Variants in XRN2 observed in about 807,000 individuals in gnomAD.
XRN2 encodes the protein 5'-3' exoribonuclease 2.
Under a neutral mutation model 138.5 loss-of-function variants are expected in XRN2, and 44 were observed. The ratio of observed to expected loss-of-function variants is 0.32; its 90% CI spans 0.25 to 0.41. The LOEUF (loss-of-function observed/expected upper bound fraction) is 0.41, where lower values mean the gene tolerates loss of function less well. XRN2 is among the 10% of genes least tolerant of loss of function. XRN2 has a pLI of 1.00. For missense variants in XRN2, 937 were observed against 1,169.3 expected (o/e 0.80, Z 2.90); for synonymous variants, 354 against 369.4 (o/e 0.96, Z 0.48).
At chr20:21,365,866 TA>T (rs1348049100) in intron 26 of XRN2, among the ~76,000 whole-genome samples, 162 bp downstream of exon 26, 29 of 86,222 alleles carry the variant, frequency 3.4e-4, no homozygotes, top group African/African-American at 1.2e-3. Flanking sequence ...ATATAATATA[TA>T]ATTATATATA....
At chr20:21,358,133 C>T (rs187711553) in intron 24 of XRN2, among the ~76,000 whole-genome samples, 2 of 152,206 alleles carry the variant, frequency 1.3e-5, no homozygotes, top group South Asian at 2.1e-4. Context: ...GAGGTTCACA[C>T]AGCTTCCCTG....
intron 24 of XRN2, among the ~76,000 whole-genome samples, chr20:21,361,291 T>G (rs1463930282): frequency 1.3e-5 from 2 of 152,226 alleles, no homozygotes; most frequent in African/African-American, 4.8e-5. Flanking sequence ...CTTGATGTGT[T>G]TATGAAGACA....
intron 1 of XRN2, among the ~76,000 whole-genome samples, chr20:21,305,319 A>G (rs2037800669): frequency 6.6e-6 from 1 of 152,082 alleles, no homozygotes; most frequent in East Asian, 1.9e-4. Context: ...GTACGGTGGC[A>G]TGATCTCGGC....
At chr20:21,364,905 CTG>C (rs2038677059) in intron 24 of XRN2, among the ~76,000 whole-genome samples, 1 of 151,796 alleles carries the variant, frequency 6.6e-6, no homozygotes, top group African/African-American at 2.4e-5. Flanking sequence ...AAGGGTCCAA[CTG>C]TGAAGTTTAA....
intron 20 of XRN2, among the ~76,000 whole-genome samples, 173 bp from the exon 21 acceptor site, chr20:21,354,615 CA>C: frequency 6.6e-6 from 1 of 152,082 alleles, no homozygotes; most frequent in Admixed American, 6.5e-5. Flanking sequence ...TCTGCAACTA[CA>C]GGGGAAATAT....
chr20:21,331,909 TG>T, intron 8 of XRN2, 91 bp downstream of exon 8: 3 of 1,405,506 alleles, frequency 2.1e-6, no homozygotes, highest in South Asian at 2.5e-5. Flanking sequence ...CATGGTTACC[TG>T]GAAGTTCCAA....
intron 13 of XRN2, among the ~76,000 whole-genome samples, chr20:21,337,741 C>T (rs535564860): frequency 1.3e-5 from 2 of 152,320 alleles, no homozygotes; most frequent in Middle Eastern, 3.4e-3. Context: ...ACACAAAAAA[C>T]TTGCAACCTC....
chr20:21,380,446 G>GT (rs1248403643), intron 27 of XRN2, among the ~76,000 whole-genome samples: 1 of 152,032 alleles, frequency 6.6e-6, no homozygotes, highest in Non-Finnish European at 1.5e-5. Context: ...TGCTATTATT[G>GT]TAAGAACTTC....
chr20:21,356,051 G>A, intron 21 of XRN2, 29 bp from the exon 22 acceptor site: 2 of 1,577,218 alleles, frequency 1.3e-6, no homozygotes, highest in South Asian at 2.3e-5. Context: ...TTTTTTATGT[G>A]TAGGTCTTAT....
rs2038573350 is a variant in XRN2 at position 21,356,130 on chromosome 20, C to T, written c.2071C>T (p.Pro691Ser). ...TGTCTTATTTGTGGGGAAACATCAC[C>T]CACTCCATGACTTCATTTTAGAGCT... ...GDVLFVGKHH[P>S]LHDFILELYQ... Residue 691 changes from proline to serine, a missense_variant, in exon 22 of 30, where the codon CCA becomes TCA. By Grantham distance (74) the Pro-to-Ser change is moderately conservative. Coordinates refer to ENST00000377191, the MANE Select transcript of XRN2 (RefSeq NM_012255.5). The T allele has an allele frequency of 6.2e-7, 1 of 1,612,374 alleles. No individual in the cohort carries two copies. Among genetic ancestry groups the T allele is most frequent in the South Asian group, 1.1e-5 (1 of 90,974 alleles).
At chr20:21,377,565 T>TC (rs1472946749) in intron 27 of XRN2, among the ~76,000 whole-genome samples, 1 of 151,284 alleles carries the variant, frequency 6.6e-6, no homozygotes, top group East Asian at 1.9e-4. Flanking sequence ...GCCTGTGTTT[T>TC]TTTTTTTCTT....
chr20:21,339,613 T>C (rs572376677), intron 14 of XRN2, among the ~76,000 whole-genome samples: 1 of 152,216 alleles, frequency 6.6e-6, no homozygotes, highest in Non-Finnish European at 1.5e-5. Flanking sequence ...ATATCCCTGC[T>C]GATTAAGAGT....
chr20:21,364,303 A>G (rs566738768), intron 24 of XRN2, among the ~76,000 whole-genome samples: 52 of 152,276 alleles, frequency 3.4e-4, no homozygotes, highest in Non-Finnish European at 6.5e-4. Context: ...TTGAAACATT[A>G]TGAATAATAG....
At chr20:21,381,236 T>A (rs1051517508) in intron 27 of XRN2, among the ~76,000 whole-genome samples, 1 of 152,206 alleles carries the variant, frequency 6.6e-6, no homozygotes, top group African/African-American at 2.4e-5. Context: ...GGTGAACTCA[T>A]TAGACAACTT....
At chr20:21,323,257 C>T (rs1173382598) in intron 1 of XRN2, among the ~76,000 whole-genome samples, 9 of 152,214 alleles carry the variant, frequency 5.9e-5, no homozygotes, top group African/African-American at 2.2e-4. Flanking sequence ...TTCTCAGCCA[C>T]AAATTCTGGT....
chr20:21,369,643 A>T (rs532454711), intron 27 of XRN2, among the ~76,000 whole-genome samples: 3 of 152,194 alleles, frequency 2.0e-5, no homozygotes, highest in African/African-American at 7.2e-5. Flanking sequence ...AACTTTTTAT[A>T]TACCTGTTTG....
At chr20:21,324,289 T>G (rs2038091024) in intron 1 of XRN2, among the ~76,000 whole-genome samples, 1 of 152,106 alleles carries the variant, frequency 6.6e-6, no homozygotes, top group Non-Finnish European at 1.5e-5. Context: ...ATCCCTTTTG[T>G]TATTCTTTCC....
intron 4 of XRN2, among the ~76,000 whole-genome samples, chr20:21,329,544 AT>A (rs1197124171): frequency 6.6e-6 from 1 of 152,202 alleles, no homozygotes; most frequent in Non-Finnish European, 1.5e-5. Flanking sequence ...TATTACTTGA[AT>A]TTTGCTGGAA....
At chr20:21,313,553 A>G (rs2037916048) in intron 1 of XRN2, among the ~76,000 whole-genome samples, 1 of 152,248 alleles carries the variant, frequency 6.6e-6, no homozygotes, top group Non-Finnish European at 1.5e-5. Flanking sequence ...ACCAGTTACA[A>G]TCCTGTTACA....
Sources: gnomAD v4.1 joint callset for allele counts (sites outside exome capture counted in the v4.1 genomes callset) on GRCh38, gnomAD v4.1.1 for gene constraint, MANE v1.5 for transcripts, NCBI Gene and HGNC (gene_info 2026-07-23, HGNC 2026-07-21) for gene names.